KREMEN1: variants seen among roughly 807,000 people sequenced by gnomAD.
KREMEN1 encodes the protein kringle containing transmembrane protein 1.
KREMEN1 carries 30 observed loss-of-function variants against 46.5 expected under a neutral mutation model. The observed-to-expected ratio is 0.65, with a 90% CI of 0.48 to 0.88. KREMEN1 has a LOEUF of 0.88. Ranked by LOEUF, KREMEN1 falls within the 40% of genes least tolerant of loss-of-function variation. The pLI, the probability that KREMEN1 is intolerant of heterozygous loss-of-function variation, is 0.00. For missense variants in KREMEN1, 533 were observed against 596.9 expected (o/e 0.89, Z 1.11); for synonymous variants, 214 against 230.6 (o/e 0.93, Z 0.65).
chr22:29,079,799 T>C (rs1167704014), intron 1 of KREMEN1, among the ~76,000 whole-genome samples: 1 of 152,238 alleles, frequency 6.6e-6, no homozygotes, highest in Non-Finnish European at 1.5e-5. Context: ...TGTGCCTTAG[T>C]GTCCTAAAGT....
chr22:29,137,250 G>C, intron 5 of KREMEN1, 92 bp from the exon 6 acceptor site: 2 of 863,414 alleles, frequency 2.3e-6, no homozygotes, highest in Non-Finnish European at 3.4e-6. Context: ...ATGGGATCCT[G>C]CTCGTTAGGA....
In KREMEN1 at chr22:29,142,256, C is replaced by T. The variant is rs144273377; in HGVS notation, c.*144C>T. On this transcript the variant is annotated 3_prime_UTR_variant, in exon 9 of 9. Coordinates refer to ENST00000400335, the MANE Select transcript of KREMEN1 (RefSeq NM_001039570.3). ...TTCGGGGAAACCCTCCTCCTACAGACTAGGAAGAGGCACCCTGCTGCCAGG... is the reference window on the plus strand; with the variant it reads ...TTCGGGGAAACCCTCCTCCTACAGATTAGGAAGAGGCACCCTGCTGCCAGG... The T allele has an allele frequency of 7.4e-7, 1 of 1,354,430 alleles. No individual in the cohort carries two copies. Among genetic ancestry groups the T allele is most frequent in the Non-Finnish European group, 9.4e-7 (1 of 1,058,230 alleles). The allele number at this position is 1,354,430 out of a possible 1,614,324, so 83.9% of individuals were successfully genotyped here. A position where few individuals can be genotyped will look rare whatever the true frequency, so the allele number is the denominator to read the frequency against.
Position 29,142,122 on chromosome 22 carries a change from T to A in KREMEN1, c.*10T>A. The A allele has an allele frequency of 1.3e-6, 2 of 1,583,194 alleles. No homozygotes were observed. Among genetic ancestry groups the A allele is most frequent in the Non-Finnish European group, 1.7e-6 (2 of 1,165,542 alleles). Reference sequence around the variant, plus strand: ...CCTTGTGAGTGACTAAAAACCCCACTGTGCCTAGGACTTGAGGTCCCTCTT... The same window carrying A: ...CCTTGTGAGTGACTAAAAACCCCACAGTGCCTAGGACTTGAGGTCCCTCTT... On this transcript the variant is annotated 3_prime_UTR_variant, in exon 9 of 9. Coordinates refer to ENST00000400335, the MANE Select transcript of KREMEN1 (RefSeq NM_001039570.3).
intron 5 of KREMEN1, among the ~76,000 whole-genome samples, chr22:29,131,556 A>G (rs796802623): frequency 0.029 from 2,079 of 71,874 alleles, 48 homozygotes; most frequent in South Asian, 0.085. Context: ...ATATATATAT[A>G]TATATGTGTG....
rs1357686151 is a variant in KREMEN1, at chr22:29,086,905, C to T, written c.98-7353C>T. ...AGGATTACAAGCACACACCACCACA[C>T]CCAGCAAATTTTTAATTTTAATTTT... On this transcript the variant is annotated intron_variant, in intron 1 of 8. Transcript: ENST00000400335. 2.6e-5 allele frequency among the ~76,000 whole-genome samples: 4 copies of T among 152,002 alleles called. No individual in the cohort carries two copies. The South Asian group carries it at 8.3e-4, about 32-fold the overall frequency.
At chr22:29,104,673 A>G (rs1037898446) in intron 3 of KREMEN1, among the ~76,000 whole-genome samples, 2 of 152,270 alleles carry the variant, frequency 1.3e-5, no homozygotes, top group Admixed American at 1.3e-4. Context: ...TTGGGAGGCC[A>G]AGGTGGGCGG....
intron 9 of KREMEN1, among the ~76,000 whole-genome samples, chr22:29,155,354 G>C (rs532661691): frequency 6.6e-6 from 1 of 152,172 alleles, no homozygotes; most frequent in East Asian, 1.9e-4. Flanking sequence ...GGGCAACATG[G>C]CAAAACCCGG....
At chr22:29,115,446 A>C (rs947517249) in intron 3 of KREMEN1, among the ~76,000 whole-genome samples, 3 of 146,694 alleles carry the variant, frequency 2.0e-5, no homozygotes, top group Non-Finnish European at 4.4e-5. Flanking sequence ...AAAAAAAAAA[A>C]AAACCAGAAG....
rs1486576847 is a variant in KREMEN1 at position 29,104,387 on chromosome 22, G to T, written c.352+5434G>T. 2.0e-5 allele frequency among the ~76,000 whole-genome samples: 3 copies of T among 152,000 alleles called. No individual in the cohort carries two copies. In the East Asian group the frequency reaches 5.8e-4, roughly 29 times the overall value. Reference sequence around the variant, plus strand: ...CCCCTAGCCGGTCTCATACTCCTGGGCTCAGCAATCCTCCTGCCTTGGCCT... The same window carrying T: ...CCCCTAGCCGGTCTCATACTCCTGGTCTCAGCAATCCTCCTGCCTTGGCCT... On this transcript the variant is annotated intron_variant, in intron 3 of 8. Coordinates refer to ENST00000400335, the MANE Select transcript of KREMEN1 (RefSeq NM_001039570.3).
At position 29,142,583 on chromosome 22, in the gene KREMEN1, C is replaced by T. The variant is rs1201400574; in HGVS notation, c.*471C>T. The T allele has an allele frequency of 1.6e-5, 16 of 985,646 alleles. No individual in the cohort carries two copies. Among genetic ancestry groups the T allele is most frequent in the Non-Finnish European group, 1.3e-5 (11 of 830,174 alleles). The allele number at this position is 985,646 out of a possible 1,614,324, so 61.1% of individuals were successfully genotyped here. ...TTGGAACAGGGCCAGACAGGGAGAA[C>T]TCTCAGGTACTCTTGGGAGTTGGTC... On this transcript the variant is annotated 3_prime_UTR_variant, in exon 9 of 9. Coordinates refer to ENST00000400335, the MANE Select transcript of KREMEN1 (RefSeq NM_001039570.3).
At chr22:29,141,261 ATGTGTG>A (rs144907162) in intron 8 of KREMEN1, among the ~76,000 whole-genome samples, 1 of 146,454 alleles carries the variant, frequency 6.8e-6, no homozygotes, top group African/African-American at 2.6e-5. Flanking sequence ...CTGCATGTGC[ATGTGTG>A]TGTGTGTGTG....
At chr22:29,163,543 A>G (rs1328010111) in intron 9 of KREMEN1, among the ~76,000 whole-genome samples, 24 of 151,748 alleles carry the variant, frequency 1.6e-4, no homozygotes, top group Admixed American at 1.6e-3. Flanking sequence ...CGCCCAGCTA[A>G]TTTTTGTATT....
chr22:29,114,294 G>A (rs2038198623), intron 3 of KREMEN1, among the ~76,000 whole-genome samples: 1 of 151,830 alleles, frequency 6.6e-6, no homozygotes, highest in Non-Finnish European at 1.5e-5. Flanking sequence ...GACCAGCCTG[G>A]CCAACATGGT....
At chr22:29,093,477 C>T (rs1490306763) in intron 1 of KREMEN1, among the ~76,000 whole-genome samples, 1 of 152,322 alleles carries the variant, frequency 6.6e-6, no homozygotes, top group East Asian at 1.9e-4. Context: ...CTATCAGCCT[C>T]AGTCCCCATC....
chr22:29,166,198 C>T (rs1002926031), intron 9 of KREMEN1, among the ~76,000 whole-genome samples: 1 of 151,998 alleles, frequency 6.6e-6, no homozygotes, highest in Non-Finnish European at 1.5e-5. Flanking sequence ...GCCTCCTAGT[C>T]GTCTGCTTCT....
intron 3 of KREMEN1, among the ~76,000 whole-genome samples, chr22:29,105,187 T>C (rs935966736): frequency 6.6e-6 from 1 of 152,216 alleles, no homozygotes; most frequent in African/African-American, 2.4e-5. Flanking sequence ...TACTGTCTGT[T>C]GAAGAGGGCT....
At chr22:29,148,205 G>A (rs1331677038), downstream of KREMEN1, among the ~76,000 whole-genome samples, 2 of 152,152 alleles carry the variant, frequency 1.3e-5, no homozygotes, top group Non-Finnish European at 2.9e-5. Flanking sequence ...AGAGCTGTCC[G>A]GCAGGCATTG....
chr22:29,085,474 A>C (rs138220320), intron 1 of KREMEN1, among the ~76,000 whole-genome samples: 2 of 152,316 alleles, frequency 1.3e-5, no homozygotes, highest in Admixed American at 6.5e-5. Flanking sequence ...AGAAAAAAAA[A>C]CAATAATTCC....
chr22:29,145,004 C>A lies in KREMEN1; in HGVS notation c.*2892C>A. The stretch of plus-strand genomic sequence containing the variant: ...AGCCCCGGGAAACCCAAATCTGGCT[C>A]AGGACAGCGTACGGGCAGGAGGGCT... On this transcript the variant is annotated 3_prime_UTR_variant, in exon 9 of 9. Coordinates refer to ENST00000400335, the MANE Select transcript of KREMEN1 (RefSeq NM_001039570.3). 1.0e-6 allele frequency: 1 copy of A among 985,554 alleles called. No individual in the cohort carries two copies. Among genetic ancestry groups the A allele is most frequent in the Non-Finnish European group, 1.2e-6 (1 of 830,012 alleles). The allele number at this position is 985,554 out of a possible 1,614,324, so 61.1% of individuals were successfully genotyped here. A position where few individuals can be genotyped will look rare whatever the true frequency, so the allele number is the denominator to read the frequency against.
Sources: allele counts gnomAD v4.1 joint callset (sites outside exome capture counted in the v4.1 genomes callset), GRCh38; gene constraint gnomAD v4.1.1; transcripts MANE v1.5; gene names NCBI Gene and HGNC (gene_info 2026-07-23, HGNC 2026-07-21).